EFHC2: variants seen among roughly 807,000 people sequenced by gnomAD.
EFHC2 encodes the protein EF-hand domain containing 2.
A neutral mutation model predicts 52.7 loss-of-function variants in EFHC2; 18 were observed. That is an observed-to-expected ratio of 0.34 (90% CI 0.24 to 0.51). EFHC2 has a LOEUF of 0.51. Ranked by LOEUF, EFHC2 falls within the 20% of genes least tolerant of loss-of-function variation. EFHC2 has a pLI of 0.97. For missense variants in EFHC2, 513 were observed against 562.5 expected, an observed-to-expected ratio of 0.91 and a Z score of 0.89; for synonymous variants, 203 against 204.1, an observed-to-expected ratio of 0.99 and a Z score of 0.04.
At chrX:44,319,398 C>A (rs2038003450) in intron 1 of EFHC2, among the ~76,000 whole-genome samples, 1 of 111,622 alleles carries the variant, frequency 9.0e-6, no homozygotes, top group Non-Finnish European at 1.9e-5. Flanking sequence ...AGCATGCCAA[C>A]CCTTGCGCTG....
chrX:44,261,053 T>G (rs1460248221), intron 4 of EFHC2, 22 bp downstream of exon 4: 1 of 1,168,719 alleles, frequency 8.6e-7, no homozygotes, highest in Admixed American at 2.2e-5. Flanking sequence ...AGACAAGAAC[T>G]CAACAAACGT....
chrX:44,323,090 T>C (rs2038032207), intron 1 of EFHC2, among the ~76,000 whole-genome samples: 1 of 112,318 alleles, frequency 8.9e-6, no homozygotes, highest in East Asian at 2.8e-4. Flanking sequence ...AATAGATTTA[T>C]AGATTTATCT....
At chrX:44,233,048 T>C (rs886645107) in intron 9 of EFHC2, among the ~76,000 whole-genome samples, 1 of 111,444 alleles carries the variant, frequency 9.0e-6, no homozygotes, top group African/African-American at 3.3e-5. Context: ...GGTGTGTAAT[T>C]CTAGCCTTTT....
intron 10 of EFHC2, 28 bp from the exon 11 acceptor site, chrX:44,229,807 A>G (rs2037261690): frequency 8.4e-7 from 1 of 1,186,615 alleles, no homozygotes; most frequent in African/African-American, 1.8e-5. Context: ...AAGGAAAAAC[A>G]TATTTAAATA....
intron 11 of EFHC2, among the ~76,000 whole-genome samples, chrX:44,193,417 C>T (rs2036938538): frequency 9.0e-6 from 1 of 111,328 alleles, no homozygotes; most frequent in East Asian, 2.8e-4. Flanking sequence ...TGTCCCTAAC[C>T]CTGGCAAAAT....
At chrX:44,189,855 C>T (rs937225440) in intron 11 of EFHC2, among the ~76,000 whole-genome samples, 2 of 111,115 alleles carry the variant, frequency 1.8e-5, no homozygotes, top group African/African-American at 3.3e-5. Flanking sequence ...GTGTGGTTTA[C>T]ATCTCAGGAT....
intron 11 of EFHC2, among the ~76,000 whole-genome samples, chrX:44,188,545 A>G (rs2036895467): frequency 9.0e-6 from 1 of 111,572 alleles, no homozygotes; most frequent in Non-Finnish European, 1.9e-5. Flanking sequence ...CTCAATATCT[A>G]CATCCTAGAA....
At chrX:44,260,170 A>C (rs1271537732) in intron 4 of EFHC2, among the ~76,000 whole-genome samples, 1 of 111,577 alleles carries the variant, frequency 9.0e-6, no homozygotes, top group East Asian at 2.8e-4. Flanking sequence ...CTGGGGGAAG[A>C]GAAATGCTCT....
chrX:44,268,925 A>T (rs939317913), intron 3 of EFHC2, among the ~76,000 whole-genome samples: 1 of 111,488 alleles, frequency 9.0e-6, no homozygotes, highest in African/African-American at 3.3e-5. Context: ...TTCCTGAAAG[A>T]TTTACCATTA....
chrX:44,238,304 C>T (rs1175487555), intron 8 of EFHC2, among the ~76,000 whole-genome samples: 1 of 111,407 alleles, frequency 9.0e-6, no homozygotes, highest in Non-Finnish European at 1.9e-5. Context: ...AATTTCATCA[C>T]TTCCACTGCG....
chrX:44,238,224 T>C (rs958413200), intron 8 of EFHC2, among the ~76,000 whole-genome samples: 1 of 111,388 alleles, frequency 9.0e-6, no homozygotes, highest in Non-Finnish European at 1.9e-5. Flanking sequence ...ACTTCTTTCA[T>C]ACTTCATATC....
intron 2 of EFHC2, among the ~76,000 whole-genome samples, chrX:44,283,329 C>T (rs2037722982): frequency 9.0e-6 from 1 of 110,865 alleles, no homozygotes; most frequent in Admixed American, 9.6e-5. Context: ...ACTACAGGTG[C>T]CCGCCACCAC....
At chrX:44,200,370 A>T (rs1472055677) in intron 11 of EFHC2, among the ~76,000 whole-genome samples, 2 of 111,675 alleles carry the variant, frequency 1.8e-5, no homozygotes, top group Admixed American at 1.9e-4. Context: ...GGGACAATAG[A>T]ACAAAAATCA....
intron 14 of EFHC2, among the ~76,000 whole-genome samples, chrX:44,151,588 G>A (rs1236489269): frequency 1.8e-5 from 2 of 111,403 alleles, no homozygotes; most frequent in Non-Finnish European, 3.8e-5. Context: ...ATGTCTTCAC[G>A]CAGCTTTCTT....
chrX:44,310,080 A>T (rs936879707), intron 2 of EFHC2: 5 of 743,772 alleles, frequency 6.7e-6, no homozygotes, highest in African/African-American at 2.1e-5. Flanking sequence ...TGCTGCAAAG[A>T]AAACCAGAAC....
chrX:44,171,966 C>G (rs765300850), intron 13 of EFHC2, among the ~76,000 whole-genome samples: 1 of 111,849 alleles, frequency 8.9e-6, no homozygotes, highest in Non-Finnish European at 1.9e-5. Flanking sequence ...TGGCTCAGCC[C>G]TTGCCCTTCA....
intron 2 of EFHC2, chrX:44,284,266 T>C (rs1217123300): frequency 8.9e-6 from 1 of 112,018 alleles, no homozygotes; most frequent in Admixed American, 9.5e-5. Context: ...CAGTGCACTC[T>C]GCCAGCCCCG....
intron 1 of EFHC2, among the ~76,000 whole-genome samples, chrX:44,322,883 C>T (rs972579059): frequency 2.9e-4 from 32 of 110,470 alleles, no homozygotes; most frequent in Non-Finnish European, 4.5e-4. Context: ...TGTGGTGGCA[C>T]GTACCTGTAA....
intron 11 of EFHC2, among the ~76,000 whole-genome samples, chrX:44,223,310 C>T (rs945790889): frequency 6.2e-5 from 7 of 112,397 alleles, no homozygotes; most frequent in Middle Eastern, 4.6e-3. Context: ...GTAGTTATGG[C>T]TGTGGTAAAA....
Sources: allele counts gnomAD v4.1 joint callset (sites outside exome capture counted in the v4.1 genomes callset), GRCh38; gene constraint gnomAD v4.1.1; transcripts MANE v1.5; gene names NCBI Gene and HGNC (gene_info 2026-07-23, HGNC 2026-07-21).